Variants in STAU2 observed in about 807,000 individuals in gnomAD.
STAU2 encodes the protein staufen double-stranded RNA binding protein 2, also known as double-stranded RNA-binding protein Staufen homolog 2.
In STAU2, 20 loss-of-function variants were observed where a neutral mutation model predicts 65.9. The ratio of observed to expected loss-of-function variants is 0.30; its 90% CI spans 0.21 to 0.44. The LOEUF is 0.44. Among genes scored for constraint, STAU2 ranks in the 20% least tolerant of loss-of-function variants. The pLI is 1.00. For missense variants in STAU2, 558 were observed against 683.9 expected, an observed-to-expected ratio of 0.82 and a Z score of 2.05; for synonymous variants, 232 against 233.9, an observed-to-expected ratio of 0.99 and a Z score of 0.07.
chr8:73,592,207 CCTAG>C (rs1191997152), intron 11 of STAU2, among the ~76,000 whole-genome samples: 2 of 151,010 alleles, frequency 1.3e-5, no homozygotes, highest in Admixed American at 6.6e-5. Context: ...TTATAAACCC[CCTAG>C]CTAAACTGAA....
At chr8:73,625,232 G>C (rs1204823338) in intron 6 of STAU2, among the ~76,000 whole-genome samples, 1 of 152,116 alleles carries the variant, frequency 6.6e-6, no homozygotes, top group East Asian at 1.9e-4. Flanking sequence ...CAAGAGAAAT[G>C]AAAACTGGGG....
At chr8:73,630,839 G>A (rs981217748) in intron 6 of STAU2, among the ~76,000 whole-genome samples, 5 of 152,142 alleles carry the variant, frequency 3.3e-5, no homozygotes, top group African/African-American at 1.2e-4. Context: ...AGCCTTCTTT[G>A]ATATTCTACA....
At chr8:73,489,463 T>G (rs566312275) in intron 13 of STAU2, among the ~76,000 whole-genome samples, 2 of 152,162 alleles carry the variant, frequency 1.3e-5, no homozygotes, top group African/African-American at 4.8e-5. Flanking sequence ...CTCTCCTGGT[T>G]TAACAATCTG....
At chr8:73,624,734 A>G (rs1813513283) in intron 6 of STAU2, among the ~76,000 whole-genome samples, 1 of 152,212 alleles carries the variant, frequency 6.6e-6, no homozygotes. Context: ...CTGCAGAAGT[A>G]CTAACTATAA....
At chr8:73,702,538 A>G (rs2130610327) in intron 4 of STAU2, among the ~76,000 whole-genome samples, 2 of 152,244 alleles carry the variant, frequency 1.3e-5, no homozygotes, top group East Asian at 3.9e-4. Flanking sequence ...TACCTCATAA[A>G]TATATATACC....
intron 13 of STAU2, among the ~76,000 whole-genome samples, chr8:73,495,786 A>G (rs545392709): frequency 3.1e-4 from 47 of 151,248 alleles, no homozygotes; most frequent in Non-Finnish European, 6.2e-4. Context: ...GTATTGTTTT[A>G]TGATATTAAT....
chr8:73,681,889 T>C (rs1476629318), intron 5 of STAU2, among the ~76,000 whole-genome samples: 2 of 152,102 alleles, frequency 1.3e-5, no homozygotes, highest in East Asian at 1.9e-4. Flanking sequence ...AGAGGGACAT[T>C]ACATAATGAT....
intron 6 of STAU2, among the ~76,000 whole-genome samples, chr8:73,638,014 G>T (rs181682793): frequency 6.8e-6 from 1 of 146,108 alleles, no homozygotes; most frequent in East Asian, 2.0e-4. Flanking sequence ...TTTTTCAAAG[G>T]AAAAAAAAAC....
intron 3 of STAU2, among the ~76,000 whole-genome samples, chr8:73,720,982 T>C (rs187072567): frequency 6.6e-6 from 1 of 151,714 alleles, no homozygotes; most frequent in Non-Finnish European, 1.5e-5. Context: ...TTGAATTCAT[T>C]TAAGACTTGT....
chr8:73,557,568 T>A lies in STAU2; in HGVS notation c.1223-5249A>T, dbSNP rs143731223. ...CATACTTCTATTAGTAGGATGTGAC[T>A]GTTTTCCCACACTTCTCCCACAACA... is the stretch of plus-strand genomic sequence containing the variant. On this transcript the variant is annotated intron_variant, in intron 12 of 14. Coordinates refer to ENST00000524300, the MANE Select transcript of STAU2 (RefSeq NM_001164380.2). Among the ~76,000 whole-genome samples, 401 of 152,332 alleles carry A rather than the reference T, an allele frequency of 2.6e-3. 3 individuals are homozygous for A. Among genetic ancestry groups the A allele is most frequent in the African/African-American group, 8.9e-3 (371 of 41,568 alleles).
At chr8:73,618,808 G>A (rs146181667) in intron 6 of STAU2, among the ~76,000 whole-genome samples, 66 of 152,352 alleles carry the variant, frequency 4.3e-4, no homozygotes, top group Non-Finnish European at 8.5e-4. Context: ...GTTTCTAGAT[G>A]AATTTTGAAA....
At position 73,687,670 on chromosome 8, in the gene STAU2, T is replaced by C. The variant is rs184141615; in HGVS notation, c.274+984A>G. Among the ~76,000 whole-genome samples the C allele has an allele frequency of 5.0e-3, 757 of 151,506 alleles. 5 individuals are homozygous for C. The highest frequency in any genetic ancestry group is 0.018 in the African/African-American group (729 of 41,304). ...CTCTTACCCAGGCCTCCCAAAGTGC[T>C]AGGATTACAGGTGGGAGCCACTGCA... is the stretch of plus-strand genomic sequence containing the variant. On this transcript the variant is annotated intron_variant, in intron 5 of 14. Coordinates refer to ENST00000524300, the MANE Select transcript of STAU2 (RefSeq NM_001164380.2).
chr8:73,678,098 T>A (rs763643167), intron 5 of STAU2, among the ~76,000 whole-genome samples: 8 of 152,200 alleles, frequency 5.3e-5, no homozygotes, highest in Non-Finnish European at 1.0e-4. Flanking sequence ...CAGTACTCAA[T>A]GCACGTGAGT....
At chr8:73,630,971 T>TA (rs1814051308) in intron 6 of STAU2, among the ~76,000 whole-genome samples, 1 of 152,298 alleles carries the variant, frequency 6.6e-6, no homozygotes, top group East Asian at 1.9e-4. Flanking sequence ...GTGGCACCCC[T>TA]AGTTTCCCAT....
chr8:73,431,992 T>C (rs910367884), intron 13 of STAU2, among the ~76,000 whole-genome samples: 21 of 152,236 alleles, frequency 1.4e-4, no homozygotes, highest in Admixed American at 3.9e-4. Context: ...ACGTAGTTCT[T>C]TGTGGAGTCT....
At chr8:73,643,595 C>G (rs897073648) in intron 6 of STAU2, among the ~76,000 whole-genome samples, 6 of 152,252 alleles carry the variant, frequency 3.9e-5, no homozygotes, top group African/African-American at 1.4e-4. Flanking sequence ...AATTTAAAAA[C>G]AGGAGGTCCA....
chr8:73,675,812 T>C (rs1028546412), intron 5 of STAU2, among the ~76,000 whole-genome samples: 1 of 152,156 alleles, frequency 6.6e-6, no homozygotes, highest in South Asian at 2.1e-4. Context: ...CTGTAAAGGT[T>C]TGGGATGATT....
At chr8:73,427,201 T>C (rs2128880387) in intron 13 of STAU2, among the ~76,000 whole-genome samples, 1 of 152,306 alleles carries the variant, frequency 6.6e-6, no homozygotes, top group Admixed American at 6.5e-5. Context: ...GTGCTAGGAT[T>C]ACATGCGTGA....
intron 3 of STAU2, among the ~76,000 whole-genome samples, chr8:73,724,675 GTA>G (rs1554571841): frequency 4.3e-5 from 6 of 138,122 alleles, no homozygotes; most frequent in African/African-American, 1.1e-4. Flanking sequence ...GTGTGTGTGT[GTA>G]TATATATATA....
Sources: allele counts gnomAD v4.1 joint callset (sites outside exome capture counted in the v4.1 genomes callset), GRCh38; gene constraint gnomAD v4.1.1; transcripts MANE v1.5; gene names NCBI Gene and HGNC (gene_info 2026-07-23, HGNC 2026-07-21).